The following CNST variants were observed in gnomAD, a reference collection of about 807,000 sequenced individuals.
CNST encodes consortin.
CNST carries 39 observed loss-of-function variants against 72.4 expected under a neutral mutation model. The ratio of observed to expected loss-of-function variants is 0.54; its 90% confidence interval spans 0.42 to 0.70. The LOEUF is 0.70. Ranked by LOEUF, CNST falls within the 30% of genes least tolerant of loss-of-function variation. The pLI, the probability that CNST is intolerant of heterozygous loss-of-function variation, is 0.00. For missense variants in CNST, 871 were observed against 868.5 expected, an observed-to-expected ratio of 1.00 and a Z score of -0.04; for synonymous variants, 332 against 320.1, an observed-to-expected ratio of 1.04 and a Z score of -0.40.
intron 1 of CNST, among the ~76,000 whole-genome samples, chr1:246,589,641 G>A (rs1661419974): frequency 1.3e-5 from 2 of 152,266 alleles, no homozygotes; most frequent in South Asian, 4.1e-4. Flanking sequence ...GTAATGGGAT[G>A]GCTGGGTCAA....
intron 2 of CNST, among the ~76,000 whole-genome samples, chr1:246,603,782 G>T (rs1279581510): frequency 6.6e-6 from 1 of 152,192 alleles, no homozygotes; most frequent in African/African-American, 2.4e-5. Flanking sequence ...AGGCAGTAGG[G>T]GGATGGGGTG....
At chr1:246,578,083 A>G (rs780351510) in intron 1 of CNST, among the ~76,000 whole-genome samples, 5 of 152,048 alleles carry the variant, frequency 3.3e-5, no homozygotes, top group Non-Finnish European at 7.3e-5. Flanking sequence ...TTGTAGTTCA[A>G]TTGAACAAAC....
At chr1:246,615,470 C>T (rs139455462) in intron 2 of CNST, among the ~76,000 whole-genome samples, 1,911 of 151,792 alleles carry the variant, frequency 0.013, 16 homozygotes, top group Middle Eastern at 0.027. Context: ...CCACTGTGCC[C>T]GGCCACAAAT....
chr1:246,615,975 T>C (rs1663662373), intron 2 of CNST, among the ~76,000 whole-genome samples: 1 of 152,214 alleles, frequency 6.6e-6, no homozygotes, highest in African/African-American at 2.4e-5. Flanking sequence ...AGGTCTTAAA[T>C]TAGGTCTTAT....
intron 6 of CNST, among the ~76,000 whole-genome samples, chr1:246,639,124 G>A (rs558499322): frequency 2.0e-5 from 3 of 152,132 alleles, no homozygotes; most frequent in Non-Finnish European, 4.4e-5. Flanking sequence ...AGAGAGGTAG[G>A]CAACAATCTG....
At chr1:246,646,969 A>C (rs923651206) in intron 8 of CNST, among the ~76,000 whole-genome samples, 170 bp from the exon 9 acceptor site, 5 of 152,198 alleles carry the variant, frequency 3.3e-5, no homozygotes, top group African/African-American at 1.2e-4. Flanking sequence ...TTCTTTACTA[A>C]ATATTTTGGG....
intron 7 of CNST, 49 bp downstream of exon 7, chr1:246,641,819 C>A: frequency 7.9e-7 from 1 of 1,262,458 alleles, no homozygotes; most frequent in South Asian, 1.3e-5. Context: ...ATGTTTGTGT[C>A]ATATGTCTGT....
chr1:246,607,415 T>A (rs1572167439), intron 2 of CNST: 1 of 152,090 alleles, frequency 6.6e-6, no homozygotes, highest in Non-Finnish European at 1.5e-5. Flanking sequence ...CTGCTTATGG[T>A]TTTTGTATAA....
chr1:246,586,215 A>G lies in CNST; in HGVS notation c.-51-5297A>G, dbSNP rs1010606722. Among the ~76,000 whole-genome samples the G allele has an allele frequency of 1.1e-4, 16 of 147,242 alleles. No homozygotes were observed. The Admixed American group carries it at 1.1e-3, about 10-fold the overall frequency. ...TTGATATGTATCTTTATTATATAGTATATATAATATATACCTTTTATTATA... is the reference window on the plus strand; with the variant it reads ...TTGATATGTATCTTTATTATATAGTGTATATAATATATACCTTTTATTATA... On this transcript the variant is annotated intron_variant, in intron 1 of 10. Coordinates refer to ENST00000366513, the MANE Select transcript of CNST (RefSeq NM_152609.3).
chr1:246,598,281 G>A (rs1044449386), intron 2 of CNST, among the ~76,000 whole-genome samples: 22 of 151,918 alleles, frequency 1.4e-4, no homozygotes, highest in Admixed American at 6.6e-5. Flanking sequence ...CACTGCACCA[G>A]CTACACAAGA....
chr1:246,654,722 C>A (rs2103152672), intron 9 of CNST, among the ~76,000 whole-genome samples: 1 of 152,230 alleles, frequency 6.6e-6, no homozygotes, highest in South Asian at 2.1e-4. Flanking sequence ...AAATAAATAT[C>A]CTTTAATGAT....
intron 1 of CNST, among the ~76,000 whole-genome samples, chr1:246,568,067 A>G (rs1416067157): frequency 6.6e-6 from 1 of 152,120 alleles, no homozygotes; most frequent in East Asian, 1.9e-4. Context: ...TTGGGAGGCC[A>G]AGGTGGGAGG....
rs770322836 is a variant in CNST at position 246,665,888 on chromosome 1, T to C, written c.2161T>C (p.Trp721Arg). 1 of 1,611,484 alleles carries C rather than the reference T, an allele frequency of 6.2e-7. No homozygotes were observed. The highest frequency in any genetic ancestry group is 8.5e-7 in the Non-Finnish European group (1 of 1,177,812). Residue 721 changes from tryptophan (W) to arginine (R), a missense_variant, in exon 11 of 11, where the codon TGG (tryptophan) becomes CGG (arginine). Physicochemically the swap from Trp to Arg is moderately radical, Grantham distance 101 (BLOSUM62 -3). Transcript: ENST00000366513. ...TCAGGGAGTGGCAGAACTGAAGCAC[T>C]GGATCTACCTCTCCTAGCAGCATTC... ...LLQGVAELKH[W>R]IYLS
intron 1 of CNST, among the ~76,000 whole-genome samples, chr1:246,587,593 C>T (rs1181983735): frequency 6.6e-6 from 1 of 152,144 alleles, no homozygotes; most frequent in Non-Finnish European, 1.5e-5. Flanking sequence ...ACCAAATAAG[C>T]ACAATTTGGA....
At chr1:246,573,553 C>G (rs191194298) in intron 1 of CNST, among the ~76,000 whole-genome samples, 9 of 152,140 alleles carry the variant, frequency 5.9e-5, no homozygotes, top group Non-Finnish European at 7.4e-5. Context: ...GCTTTTTATC[C>G]TTCCTGTCTC....
At chr1:246,648,341 A>G in intron 9 of CNST, 1 of 565,458 alleles carries the variant, frequency 1.8e-6, no homozygotes, top group Non-Finnish European at 2.3e-6. Context: ...AGATATTGGA[A>G]TCAAAACCAG....
At chr1:246,659,422 G>A (rs190137951) in intron 9 of CNST, among the ~76,000 whole-genome samples, 60 of 152,190 alleles carry the variant, frequency 3.9e-4, no homozygotes, top group East Asian at 2.7e-3. Context: ...GTGAAACCCC[G>A]TCTCTACTGA....
At chr1:246,619,679 C>T (rs939463608) in intron 2 of CNST, among the ~76,000 whole-genome samples, 2 of 152,152 alleles carry the variant, frequency 1.3e-5, no homozygotes, top group Non-Finnish European at 2.9e-5. Context: ...ATATTCTAGC[C>T]GTTAGGATCT....
intron 9 of CNST, among the ~76,000 whole-genome samples, chr1:246,657,497 ATT>A (rs1415696062): frequency 2.0e-5 from 3 of 152,230 alleles, no homozygotes; most frequent in Non-Finnish European, 2.9e-5. Flanking sequence ...TTTAGCAAGA[ATT>A]AAGGTATTGT....
Sources: allele counts gnomAD v4.1 joint callset (sites outside exome capture counted in the v4.1 genomes callset), GRCh38; gene constraint gnomAD v4.1.1; transcripts MANE v1.5; gene names NCBI Gene and HGNC (gene_info 2026-07-23, HGNC 2026-07-21).